The following COL25A1 variants were observed in gnomAD, a reference collection of about 807,000 sequenced individuals.
COL25A1 encodes collagen alpha-1(XXV) chain.
In COL25A1, 103 loss-of-function variants were observed where a neutral mutation model predicts 128.4. The observed-to-expected ratio is 0.80, with a 90% CI of 0.68 to 0.94. COL25A1 has a LOEUF of 0.94. Ranked by LOEUF, COL25A1 falls within the 40% of genes least tolerant of loss-of-function variation. The pLI, the probability that COL25A1 is intolerant of heterozygous loss-of-function variation, is 0.00. For synonymous variants in COL25A1, 279 were observed against 277.2 expected (o/e 1.01, Z -0.06); for missense variants, 745 against 840.0 (o/e 0.89, Z 1.40).
chr4:109,147,776 C>CACTGCACTCCAGCCTGGATGACACAGAA (rs1199475397), intron 3 of COL25A1, among the ~76,000 whole-genome samples: 4 of 149,036 alleles, frequency 2.7e-5, no homozygotes, highest in Admixed American at 6.7e-5. Flanking sequence ...AAGATTGTGC[C>CACTGCACTCCAGCCTGGATGACACAGAA]ACTGCACTCC....
chr4:108,827,332 G>A, intron 32 of COL25A1, 144 bp from the exon 33 acceptor site: 1 of 707,250 alleles, frequency 1.4e-6, no homozygotes, highest in South Asian at 1.7e-5. Context: ...GTCACTGCCA[G>A]TGATATTTGG....
chr4:109,160,995 T>C (rs1005175988), intron 3 of COL25A1, among the ~76,000 whole-genome samples: 8 of 152,144 alleles, frequency 5.3e-5, no homozygotes, highest in Non-Finnish European at 1.0e-4. Flanking sequence ...ATTTACATAG[T>C]ATAACTCTTT....
chr4:108,967,339 T>C (rs576684603), intron 8 of COL25A1, among the ~76,000 whole-genome samples: 2 of 152,300 alleles, frequency 1.3e-5, no homozygotes, highest in African/African-American at 4.8e-5. Context: ...AACTACCTTA[T>C]TGATAGGGAA....
intron 5 of COL25A1, among the ~76,000 whole-genome samples, chr4:109,022,497 T>G (rs1324707548): frequency 1.3e-5 from 2 of 152,236 alleles, no homozygotes. Context: ...CTTAGCCTAC[T>G]GATGACTTAG....
chr4:109,021,761 G>C (rs1344966633), intron 5 of COL25A1: 1 of 453,516 alleles, frequency 2.2e-6, no homozygotes, highest in South Asian at 1.6e-5. Context: ...CCTAGGAAAA[G>C]AATTGCATTC....
At chr4:109,073,939 T>G (rs1295012538) in intron 3 of COL25A1, among the ~76,000 whole-genome samples, 1 of 152,184 alleles carries the variant, frequency 6.6e-6, no homozygotes, top group African/African-American at 2.4e-5. Context: ...CTCTAATCAT[T>G]CAACCCACAA....
intron 6 of COL25A1, among the ~76,000 whole-genome samples, chr4:108,999,535 A>G (rs2126026256): frequency 6.6e-6 from 1 of 152,354 alleles, no homozygotes; most frequent in South Asian, 2.1e-4. Context: ...AAACTAGTTC[A>G]ACCATTGTGG....
At chr4:108,980,142 A>G (rs922147454) in intron 6 of COL25A1, among the ~76,000 whole-genome samples, 15 of 152,202 alleles carry the variant, frequency 9.9e-5, no homozygotes, top group South Asian at 4.1e-4. Flanking sequence ...TCTGTCATCA[A>G]TGTAACAAGG....
At chr4:108,863,946 C>T (rs762955564) in intron 20 of COL25A1, among the ~76,000 whole-genome samples, 3 of 152,086 alleles carry the variant, frequency 2.0e-5, no homozygotes, top group East Asian at 1.9e-4. Flanking sequence ...AGACTTGGAC[C>T]GAGCCATGCT....
In COL25A1 at chr4:108,942,178, G is replaced by T; in HGVS notation, c.493-741C>A. ...TCACGCTTATGCTGATTGCATTTCT[G>T]ACTGTGCAGGCATGAGTGACAACCA... On this transcript the variant is annotated intron_variant, in intron 8 of 37. Transcript: ENST00000399132. The T allele has an allele frequency of 1.9e-6, 3 of 1,546,948 alleles. No homozygotes were observed. The South Asian group carries it at 3.6e-5, about 18-fold the overall frequency.
intron 3 of COL25A1, among the ~76,000 whole-genome samples, chr4:109,070,195 C>A (rs113899338): frequency 0.025 from 3,783 of 151,392 alleles, 148 homozygotes; most frequent in African/African-American, 0.087. Flanking sequence ...GAGTTGGAGG[C>A]TGCAGAGAGT....
intron 19 of COL25A1, among the ~76,000 whole-genome samples, chr4:108,881,892 C>T (rs867089820): frequency 6.6e-6 from 1 of 152,070 alleles, no homozygotes; most frequent in Non-Finnish European, 1.5e-5. Context: ...AAATCAAATA[C>T]CAGATAGTTA....
At chr4:109,239,500 G>T (rs1480314024) in intron 3 of COL25A1, among the ~76,000 whole-genome samples, 1 of 149,154 alleles carries the variant, frequency 6.7e-6, no homozygotes, top group Non-Finnish European at 1.5e-5. Context: ...GTAACACAAT[G>T]GTATTTGTAT....
At chr4:108,884,028 A>C (rs1331770251) in intron 19 of COL25A1, 150 bp downstream of exon 19, 2 of 631,412 alleles carry the variant, frequency 3.2e-6, no homozygotes, top group African/African-American at 3.7e-5. Context: ...CTTAATTTTT[A>C]ATTTAAAAAT....
At chr4:109,047,631 T>A (rs905084084) in intron 5 of COL25A1, among the ~76,000 whole-genome samples, 4 of 151,784 alleles carry the variant, frequency 2.6e-5, no homozygotes, top group Non-Finnish European at 5.9e-5. Context: ...AATAAAAAAA[T>A]TTAAAACAAA....
At chr4:108,989,740 C>T (rs766653515) in intron 6 of COL25A1, among the ~76,000 whole-genome samples, 20 of 152,072 alleles carry the variant, frequency 1.3e-4, no homozygotes, top group Non-Finnish European at 2.4e-4. Flanking sequence ...AGAGAGAAAA[C>T]AGAACAACAT....
At chr4:109,026,490 C>G (rs112113771) in intron 5 of COL25A1, among the ~76,000 whole-genome samples, 2 of 152,144 alleles carry the variant, frequency 1.3e-5, no homozygotes, top group African/African-American at 4.8e-5. Context: ...GAAGTGTGAA[C>G]TCTGGTTATT....
chr4:109,128,079 T>C (rs1425971050), intron 3 of COL25A1, among the ~76,000 whole-genome samples: 2 of 152,022 alleles, frequency 1.3e-5, no homozygotes, highest in African/African-American at 4.8e-5. Flanking sequence ...GAGAAGTAAA[T>C]AAGCAGCTTG....
intron 31 of COL25A1, among the ~76,000 whole-genome samples, chr4:108,835,856 T>G (rs2125738435): frequency 7.6e-6 from 1 of 130,784 alleles, no homozygotes; most frequent in Non-Finnish European, 1.6e-5. Flanking sequence ...CCGGCTTACA[T>G]ACGTCTTTTT....
Sources: allele counts gnomAD v4.1 joint callset (sites outside exome capture counted in the v4.1 genomes callset), GRCh38; gene constraint gnomAD v4.1.1; transcripts MANE v1.5; gene names NCBI Gene and HGNC (gene_info 2026-07-23, HGNC 2026-07-21).